NRG3: variants seen among roughly 807,000 people sequenced by gnomAD.
NRG3 encodes the protein neuregulin 3, also known as pro-neuregulin-3, membrane-bound isoform.
A neutral mutation model predicts 66.9 loss-of-function variants in NRG3; 31 were observed. The observed-to-expected ratio is 0.46, with a 90% confidence interval of 0.35 to 0.63. The LOEUF is 0.63. Ranked by LOEUF, NRG3 falls within the 20% of genes least tolerant of loss-of-function variation. The pLI is 0.00. For missense variants in NRG3, 910 were observed against 878.9 expected, an observed-to-expected ratio of 1.04 and a Z score of -0.45; for synonymous variants, 393 against 359.4, an observed-to-expected ratio of 1.09 and a Z score of -1.06.
chr10:82,454,436 G>A (rs750568194), intron 2 of NRG3, among the ~76,000 whole-genome samples: 5 of 151,810 alleles, frequency 3.3e-5, no homozygotes, highest in South Asian at 2.1e-4. Flanking sequence ...TGCTACACTC[G>A]TGTTCAAACA....
At chr10:82,044,402 C>A (rs1351369746) in intron 1 of NRG3, among the ~76,000 whole-genome samples, 1 of 151,772 alleles carries the variant, frequency 6.6e-6, no homozygotes, top group African/African-American at 2.4e-5. Flanking sequence ...ACAATGTAGA[C>A]ATGCCAACAA....
chr10:82,052,048 G>A (rs200874804), intron 1 of NRG3, among the ~76,000 whole-genome samples: 2 of 142,310 alleles, frequency 1.4e-5, no homozygotes, highest in African/African-American at 5.4e-5. Context: ...TTTTTTTTTG[G>A]TACGCTAACA....
intron 5 of NRG3, among the ~76,000 whole-genome samples, chr10:82,958,003 A>G (rs1850240087): frequency 6.6e-6 from 1 of 152,102 alleles, no homozygotes; most frequent in Non-Finnish European, 1.5e-5. Context: ...CTGCTAAGGC[A>G]GTGGTTTGTC....
At chr10:82,135,120 T>TC (rs200576101) in intron 1 of NRG3, among the ~76,000 whole-genome samples, 13,737 of 138,154 alleles carry the variant, frequency 0.099, 741 homozygotes, top group South Asian at 0.16. Context: ...GGACTCCCTC[T>TC]CAAAAAAAAA....
At chr10:82,726,094 A>G (rs2057581497) in intron 2 of NRG3, among the ~76,000 whole-genome samples, 2 of 152,154 alleles carry the variant, frequency 1.3e-5, no homozygotes, top group Non-Finnish European at 2.9e-5. Flanking sequence ...ACCCAAGGAG[A>G]GAGCCCTCAT....
chr10:82,005,746 A>T (rs942647425), intron 1 of NRG3, among the ~76,000 whole-genome samples: 4 of 152,184 alleles, frequency 2.6e-5, no homozygotes, highest in African/African-American at 9.7e-5. Flanking sequence ...TGACACTTAG[A>T]GTTTGCAACA....
At position 82,124,855 on chromosome 10, in the gene NRG3, A is replaced by C. The variant is rs531336743; in HGVS notation, c.824-233884A>C. On this transcript the variant is annotated intron_variant, in intron 1 of 8. Transcript: ENST00000372141. ...ATTCATCACAGACTATTTACTTGAC[A>C]CAGCAAAACATCATATCATCTAATA... Among the ~76,000 whole-genome samples, 86 of 152,096 alleles carry C rather than the reference A, an allele frequency of 5.7e-4. 1 individual carries two copies. Among genetic ancestry groups the C allele is most frequent in the African/African-American group, 2.0e-3 (84 of 41,558 alleles).
intron 1 of NRG3, among the ~76,000 whole-genome samples, chr10:82,138,922 G>C (rs930213432): frequency 4.6e-5 from 7 of 152,178 alleles, no homozygotes; most frequent in Middle Eastern, 3.4e-3. Context: ...TGCTCACCCA[G>C]CTTGAGGGAG....
intron 3 of NRG3, among the ~76,000 whole-genome samples, chr10:82,817,271 C>G (rs2061752112): frequency 6.6e-6 from 1 of 152,174 alleles, no homozygotes; most frequent in Non-Finnish European, 1.5e-5. Context: ...CTACAGATTT[C>G]AATAGCAAAA....
At chr10:82,314,822 C>CA (rs1204401590) in intron 1 of NRG3, among the ~76,000 whole-genome samples, 3 of 151,890 alleles carry the variant, frequency 2.0e-5, no homozygotes, top group African/African-American at 7.3e-5. Context: ...AACAAATAAA[C>CA]AAAAAAACAA....
chr10:82,079,426 A>G (rs1248048329), intron 1 of NRG3, among the ~76,000 whole-genome samples: 1 of 152,138 alleles, frequency 6.6e-6, no homozygotes, highest in Non-Finnish European at 1.5e-5. Flanking sequence ...GCCCCCACAC[A>G]TGCACCACCT....
At chr10:82,037,748 C>G (rs182369001) in intron 1 of NRG3, among the ~76,000 whole-genome samples, 1 of 152,148 alleles carries the variant, frequency 6.6e-6, no homozygotes, top group Admixed American at 6.5e-5. Flanking sequence ...ATTTTAATTA[C>G]AATATTCATG....
intron 1 of NRG3, among the ~76,000 whole-genome samples, chr10:81,946,111 G>A (rs1242251354): frequency 3.9e-5 from 6 of 152,030 alleles, no homozygotes; most frequent in African/African-American, 1.4e-4. Context: ...CTGCCTCCTG[G>A]GTTCAAGCAA....
intron 7 of NRG3, 29 bp downstream of exon 7, chr10:82,973,944 G>A (rs767788291): frequency 6.2e-7 from 1 of 1,612,948 alleles, no homozygotes; most frequent in African/African-American, 1.3e-5. Context: ...GGTGGGTGTG[G>A]GCACCTTCAC....
At chr10:82,068,381 C>T (rs2064609615) in intron 1 of NRG3, among the ~76,000 whole-genome samples, 1 of 152,042 alleles carries the variant, frequency 6.6e-6, no homozygotes, top group Non-Finnish European at 1.5e-5. Flanking sequence ...TCATTGATTC[C>T]CTCCTTTATT....
intron 1 of NRG3, among the ~76,000 whole-genome samples, chr10:82,053,606 G>A (rs1164424453): frequency 7.2e-6 from 1 of 139,108 alleles, no homozygotes; most frequent in African/African-American, 3.4e-5. Context: ...CAACTTTCAG[G>A]AGAGCATGAG....
At chr10:82,470,344 A>G (rs1841132510) in intron 2 of NRG3, among the ~76,000 whole-genome samples, 1 of 152,236 alleles carries the variant, frequency 6.6e-6, no homozygotes, top group South Asian at 2.1e-4. Flanking sequence ...GTAACTTCAC[A>G]CAAGTGGCTG....
intron 1 of NRG3, among the ~76,000 whole-genome samples, chr10:82,047,507 A>C (rs1434433097): frequency 2.0e-5 from 3 of 152,076 alleles, no homozygotes; most frequent in African/African-American, 4.8e-5. Flanking sequence ...ACTAAGCTTC[A>C]TAAGCGAAGG....
chr10:82,589,283 G>A (rs1217986142), intron 2 of NRG3, among the ~76,000 whole-genome samples: 1 of 152,178 alleles, frequency 6.6e-6, no homozygotes, highest in Non-Finnish European at 1.5e-5. Flanking sequence ...TTCTTTGGAT[G>A]CTAAAGCAGG....
Sources: gnomAD v4.1 joint callset for allele counts (sites outside exome capture counted in the v4.1 genomes callset) on GRCh38, gnomAD v4.1.1 for gene constraint, MANE v1.5 for transcripts, NCBI Gene and HGNC (gene_info 2026-07-23, HGNC 2026-07-21) for gene names.